PPP2R5C: variants seen among roughly 807,000 people sequenced by gnomAD.
PPP2R5C encodes protein phosphatase 2 regulatory subunit B'gamma, also known as serine/threonine-protein phosphatase 2A 56 kDa regulatory subunit gamma isoform.
Under a neutral mutation model 68.9 loss-of-function variants are expected in PPP2R5C, and 7 were observed. The ratio of observed to expected loss-of-function variants is 0.10; its 90% CI spans 0.06 to 0.19. The LOEUF (loss-of-function observed/expected upper bound fraction) is 0.19, where lower values mean the gene tolerates loss of function less well. Ranked by LOEUF, PPP2R5C falls within the 10% of genes least tolerant of loss-of-function variation. PPP2R5C has a pLI of 1.00. For missense variants in PPP2R5C, 348 were observed against 641.3 expected, an observed-to-expected ratio of 0.54 and a Z score of 4.94; for synonymous variants, 210 against 222.2, an observed-to-expected ratio of 0.95 and a Z score of 0.49.
At chr14:101,779,736 A>G (rs1050815191) in intron 2 of PPP2R5C, among the ~76,000 whole-genome samples, 45 of 152,038 alleles carry the variant, frequency 3.0e-4, no homozygotes, top group African/African-American at 9.7e-4. Context: ...TCTTGTGAGC[A>G]GGGGAATGGT....
chr14:101,767,721 C>T (rs1170506589), intron 2 of PPP2R5C, among the ~76,000 whole-genome samples: 1 of 152,196 alleles, frequency 6.6e-6, no homozygotes, highest in South Asian at 2.1e-4. Context: ...GCTCCCTCTT[C>T]CCAGCGCCTC....
chr14:101,761,199 CA>C (rs1386107432), upstream of PPP2R5C, among the ~76,000 whole-genome samples: 4 of 152,190 alleles, frequency 2.6e-5, no homozygotes, highest in Admixed American at 1.3e-4. Flanking sequence ...CTCTTGACTG[CA>C]ACGAGAGCCG....
intron 2 of PPP2R5C, among the ~76,000 whole-genome samples, chr14:101,876,758 C>A (rs2043807250): frequency 6.6e-6 from 1 of 152,130 alleles, no homozygotes; most frequent in Non-Finnish European, 1.5e-5. Flanking sequence ...TGCAGACATA[C>A]GTATGCACTC....
chr14:101,841,890 T>C (rs1044316003), intron 1 of PPP2R5C, among the ~76,000 whole-genome samples: 1 of 152,076 alleles, frequency 6.6e-6, no homozygotes, highest in Non-Finnish European at 1.5e-5. Context: ...GGGGAGCGCC[T>C]CCTCCTTCAG....
intron 3 of PPP2R5C, among the ~76,000 whole-genome samples, chr14:101,791,787 A>C (rs1452514244): frequency 6.6e-6 from 1 of 152,162 alleles, no homozygotes; most frequent in African/African-American, 2.4e-5. Context: ...AGTATACTAA[A>C]TAAGTATAGT....
chr14:101,885,157 C>T (rs566862561), intron 5 of PPP2R5C, among the ~76,000 whole-genome samples: 4 of 152,320 alleles, frequency 2.6e-5, no homozygotes, highest in African/African-American at 7.2e-5. Context: ...GGACAGAGCA[C>T]GGGCCATGGC....
At chr14:101,853,748 C>T (rs994648443) in intron 1 of PPP2R5C, among the ~76,000 whole-genome samples, 28 of 152,070 alleles carry the variant, frequency 1.8e-4, no homozygotes, top group Non-Finnish European at 3.4e-4. Flanking sequence ...CCTGTGTCCT[C>T]GCCTCTAGAT....
intron 3 of PPP2R5C, 84 bp from the exon 6 acceptor site, chr14:101,883,173 A>T (rs992006710): frequency 4.2e-6 from 4 of 956,516 alleles, no homozygotes; most frequent in Non-Finnish European, 6.2e-6. Context: ...TTTGCATACC[A>T]ATAAAGATTC....
intron 1 of PPP2R5C, among the ~76,000 whole-genome samples, chr14:101,832,369 A>T (rs2040801901): frequency 6.6e-6 from 1 of 152,244 alleles, no homozygotes; most frequent in Non-Finnish European, 1.5e-5. Flanking sequence ...ATGTGAAAAT[A>T]TATAATTAGC....
chr14:101,832,482 T>A (rs1371976977), intron 1 of PPP2R5C, among the ~76,000 whole-genome samples: 1 of 152,212 alleles, frequency 6.6e-6, no homozygotes, highest in Non-Finnish European at 1.5e-5. Context: ...AGCCTGACTG[T>A]ACACAGATTT....
At chr14:101,822,209 T>G (rs746454465) in intron 1 of PPP2R5C, among the ~76,000 whole-genome samples, 16 of 152,074 alleles carry the variant, frequency 1.1e-4, no homozygotes, top group Non-Finnish European at 1.6e-4. Flanking sequence ...TAAGTCACCT[T>G]ACTTTCCTGA....
intron 2 of PPP2R5C, among the ~76,000 whole-genome samples, chr14:101,873,588 G>C (rs186726882): frequency 1.3e-5 from 2 of 152,206 alleles, no homozygotes; most frequent in East Asian, 3.9e-4. Flanking sequence ...ACAAGTACTG[G>C]GTTCTCACTA....
chr14:101,836,046 GTAAGATAAAA>G (rs2041072164), intron 1 of PPP2R5C: 2 of 602,060 alleles, frequency 3.3e-6, no homozygotes, highest in Non-Finnish European at 5.9e-6. Flanking sequence ...GGAAACACTA[GTAAGATAAAA>G]TACAATGGGA....
chr14:101,865,713 G>A (rs1383737646), intron 2 of PPP2R5C, among the ~76,000 whole-genome samples: 1 of 152,220 alleles, frequency 6.6e-6, no homozygotes, highest in Non-Finnish European at 1.5e-5. Flanking sequence ...TAGGATGAAA[G>A]GGGAACACAT....
At position 101,917,980 on chromosome 14, in the gene PPP2R5C, T is replaced by A; in HGVS notation, c.1443+33T>A. On this transcript the variant is annotated intron_variant, in intron 13 of 13. Transcript: ENST00000334743. The surrounding 1 kb of genome is among the most constrained non-coding windows in gnomAD (Gnocchi z 4.4). ...TGCACCGAGCTCAGCTGGGCACCCA[T>A]GACTGATTTGCTTAAGAAATGCACA... 1 of 1,612,998 alleles carries A rather than the reference T, an allele frequency of 6.2e-7. No individual in the cohort carries two copies. Among genetic ancestry groups the A allele is most frequent in the Non-Finnish European group, 8.5e-7 (1 of 1,179,270 alleles).
intron 2 of PPP2R5C, among the ~76,000 whole-genome samples, chr14:101,873,082 T>C (rs1390276758): frequency 1.3e-5 from 2 of 152,206 alleles, no homozygotes; most frequent in African/African-American, 4.8e-5. Flanking sequence ...CTTAAGCAAT[T>C]AGAGATCTGT....
chr14:101,863,881 C>T (rs1341479639), intron 2 of PPP2R5C, among the ~76,000 whole-genome samples: 1 of 152,088 alleles, frequency 6.6e-6, no homozygotes, highest in Non-Finnish European at 1.5e-5. Context: ...CTGCGCACCA[C>T]AGAATAAGAC....
rs1449697781 is a variant in PPP2R5C at position 101,913,082 on chromosome 14, G to A, written c.1326+609G>A. 6.6e-6 allele frequency among the ~76,000 whole-genome samples: 1 copy of A among 152,286 alleles called. No individual in the cohort carries two copies. The highest frequency in any genetic ancestry group is 1.5e-5 in the Non-Finnish European group (1 of 68,028). ...CCAGCTGCCGGGGCTGCCAGGGTCC[G>A]GGAGGGTTTCCTGGTGTCATGGTCT... On this transcript the variant is annotated intron_variant, in intron 12 of 13. Transcript: ENST00000334743. This position sits in a 1 kb window ranked among gnomAD's most constrained non-coding sequence, Gnocchi z 4.1.
intron 1 of PPP2R5C, chr14:101,819,556 A>ATTTTGTTTTTGTTTGGGTTTGTTTTTAG (rs1377897105): frequency 1.3e-5 from 2 of 152,416 alleles, no homozygotes; most frequent in South Asian, 4.1e-4. Flanking sequence ...TACCTTTTTA[A>ATTTTGTTTTTGTTTGGGTTTGTTTTTAG]TTTTGTTTTT....
Sources: allele counts gnomAD v4.1 joint callset (sites outside exome capture counted in the v4.1 genomes callset), GRCh38; gene constraint gnomAD v4.1.1; non-coding constraint Gnocchi (gnomAD v3.1); transcripts MANE v1.5; gene names NCBI Gene and HGNC (gene_info 2026-07-23, HGNC 2026-07-21).